Variants in ASTN2 observed in about 807,000 individuals in gnomAD.
The protein encoded by ASTN2 is astrotactin-2.
In ASTN2, 54 loss-of-function variants were observed where a neutral mutation model predicts 139.8. The observed-to-expected ratio is 0.39, with a 90% CI of 0.31 to 0.48. The LOEUF (loss-of-function observed/expected upper bound fraction) is 0.48, where lower values mean the gene tolerates loss of function less well. Ranked by LOEUF, ASTN2 falls within the 20% of genes least tolerant of loss-of-function variation. The pLI is 0.95. For synonymous variants in ASTN2, 756 were observed against 719.5 expected, an observed-to-expected ratio of 1.05 and a Z score of -0.81; for missense variants, 1,565 against 1,725.1, an observed-to-expected ratio of 0.91 and a Z score of 1.64.
At chr9:116,585,860 A>G (rs540591070) in intron 19 of ASTN2, 4 of 152,288 alleles carry the variant, frequency 2.6e-5, no homozygotes, top group Non-Finnish European at 5.9e-5. Flanking sequence ...GAAATTATCA[A>G]TAAACAGACA....
In ASTN2 at chr9:116,976,784, T is replaced by C; in HGVS notation, c.1593A>G (p.Gly531=). The C allele has an allele frequency of 6.2e-7, 1 of 1,613,760 alleles. No homozygotes were observed. The highest frequency in any genetic ancestry group is 8.5e-7 in the Non-Finnish European group (1 of 1,179,714). ...ACEQLCDPET[G]ECSCHEGYAP... The stretch of plus-strand genomic sequence containing the variant: ...CATAGCCTTCATGACAGCTGCACTC[T>C]CCTGTAAGTGAAAAGAAAAAAGATT... The change falls in exon 8 of 23, where the codon GGA becomes GGG. Residue 531 remains glycine, a splice_region_variant and synonymous_variant. Coordinates refer to ENST00000313400, the MANE Select transcript of ASTN2 (RefSeq NM_001365068.1).
rs114799138 is a variant in ASTN2, at chr9:116,565,546, T to C, written c.3355+52778A>G. On this transcript the variant is annotated intron_variant, in intron 19 of 22. Coordinates refer to ENST00000313400, the MANE Select transcript of ASTN2 (RefSeq NM_001365068.1). The stretch of plus-strand genomic sequence containing the variant: ...CCCTTCCCTCCACCTGCCCACCCAT[T>C]CCCACCCCGGACCCCAAGCTCAAGT... Among the ~76,000 whole-genome samples, 430 of 146,578 alleles carry C rather than the reference T, an allele frequency of 2.9e-3. 1 individual carries two copies. Among genetic ancestry groups the C allele is most frequent in the African/African-American group, 0.01 (420 of 40,022 alleles).
chr9:116,607,880 G>A (rs1288715618), intron 19 of ASTN2, among the ~76,000 whole-genome samples: 1 of 152,176 alleles, frequency 6.6e-6, no homozygotes, highest in Non-Finnish European at 1.5e-5. Context: ...AGAATCGCTT[G>A]AATCTGGGAG....
intron 20 of ASTN2, among the ~76,000 whole-genome samples, chr9:116,449,647 G>C (rs1848116296): frequency 6.6e-6 from 1 of 152,108 alleles, no homozygotes; most frequent in South Asian, 2.1e-4. Flanking sequence ...TGAGTGCTTT[G>C]ACCAGTAGAG....
chr9:116,674,708 A>G (rs1405224028), intron 16 of ASTN2, among the ~76,000 whole-genome samples: 3 of 152,090 alleles, frequency 2.0e-5, no homozygotes, highest in African/African-American at 7.2e-5. Flanking sequence ...ATTTTCTCCA[A>G]CCACCCTGAC....
intron 1 of ASTN2, among the ~76,000 whole-genome samples, chr9:117,315,989 C>G (rs926531101): frequency 6.6e-6 from 1 of 152,188 alleles, no homozygotes; most frequent in Non-Finnish European, 1.5e-5. Context: ...TCTAAGTTAT[C>G]TGAATGAGCT....
intron 10 of ASTN2, among the ~76,000 whole-genome samples, chr9:116,904,891 C>T (rs1409031604): frequency 6.6e-6 from 1 of 152,128 alleles, no homozygotes; most frequent in Non-Finnish European, 1.5e-5. Flanking sequence ...AACGTTACAG[C>T]TCTATGTTTG....
chr9:116,522,970 G>A (rs1850941661), intron 19 of ASTN2, among the ~76,000 whole-genome samples: 1 of 152,058 alleles, frequency 6.6e-6, no homozygotes, highest in Admixed American at 6.6e-5. Context: ...AAATAAGGCT[G>A]GCATCTTGCT....
intron 16 of ASTN2, among the ~76,000 whole-genome samples, chr9:116,660,337 G>A (rs899971601): frequency 6.6e-6 from 1 of 152,174 alleles, no homozygotes; most frequent in African/African-American, 2.4e-5. Context: ...AAATGTATAA[G>A]TAATAAGCAC....
At chr9:116,846,888 G>C (rs1832445813) in intron 11 of ASTN2, among the ~76,000 whole-genome samples, 1 of 151,780 alleles carries the variant, frequency 6.6e-6, no homozygotes, top group African/African-American at 2.4e-5. Flanking sequence ...TCTTAAAATG[G>C]CTGGTCAACC....
At chr9:117,124,640 T>A (rs1195735661) in intron 4 of ASTN2, among the ~76,000 whole-genome samples, 1 of 152,134 alleles carries the variant, frequency 6.6e-6, no homozygotes, top group African/African-American at 2.4e-5. Flanking sequence ...CTCACTTAAA[T>A]CTTCCTTACA....
chr9:117,232,763 GTC>G (rs1193171257), intron 2 of ASTN2, among the ~76,000 whole-genome samples: 3 of 151,982 alleles, frequency 2.0e-5, no homozygotes, highest in African/African-American at 7.2e-5. Context: ...AAACTCTATT[GTC>G]TCTTCTCCCT....
chr9:117,296,306 A>T (rs930649740), intron 1 of ASTN2, among the ~76,000 whole-genome samples: 1 of 150,134 alleles, frequency 6.7e-6, no homozygotes, highest in Admixed American at 6.6e-5. Flanking sequence ...AAAAAAAAGA[A>T]AGAAAGAAAG....
At chr9:117,135,391 G>A (rs1829927116) in intron 4 of ASTN2, among the ~76,000 whole-genome samples, 1 of 152,200 alleles carries the variant, frequency 6.6e-6, no homozygotes, top group Non-Finnish European at 1.5e-5. Context: ...CATACCAAAT[G>A]CTCAGTAGAT....
rs570894513 is a variant in ASTN2 at position 116,534,697 on chromosome 9, C to T, written c.3356-47197G>A. On this transcript the variant is annotated intron_variant, in intron 19 of 22. Coordinates refer to ENST00000313400, the MANE Select transcript of ASTN2 (RefSeq NM_001365068.1). ...TGAGTGAGTTTCTTAATCCTGAGGTCTAGTTTGATTGCACTGTGTTCTGAG... is the reference window on the plus strand; with the variant it reads ...TGAGTGAGTTTCTTAATCCTGAGGTTTAGTTTGATTGCACTGTGTTCTGAG... 1.3e-3 allele frequency among the ~76,000 whole-genome samples: 196 copies of T among 152,276 alleles called. 1 individual carries two copies. The highest frequency in any genetic ancestry group is 2.5e-3 in the Non-Finnish European group (170 of 68,020).
chr9:117,285,912 CA>C (rs1462501650), intron 2 of ASTN2, among the ~76,000 whole-genome samples: 1 of 152,028 alleles, frequency 6.6e-6, no homozygotes, highest in African/African-American at 2.4e-5. Flanking sequence ...TACATCAAAC[CA>C]AACATTTCTT....
At chr9:117,265,487 C>T (rs1833920651) in intron 2 of ASTN2, among the ~76,000 whole-genome samples, 1 of 152,174 alleles carries the variant, frequency 6.6e-6, no homozygotes, top group Non-Finnish European at 1.5e-5. Context: ...GCCAAAGAGT[C>T]ACATGTGCTG....
chr9:117,394,956 G>C (rs1830638471), intron 1 of ASTN2, among the ~76,000 whole-genome samples: 1 of 152,152 alleles, frequency 6.6e-6, no homozygotes. Flanking sequence ...ACTGCCAAGA[G>C]ACTGGGAGAG....
chr9:116,853,582 C>G (rs994327035), intron 11 of ASTN2, among the ~76,000 whole-genome samples: 5 of 152,154 alleles, frequency 3.3e-5, no homozygotes, highest in African/African-American at 1.2e-4. Context: ...CTCTCACAGA[C>G]ACAGTGCACA....
Sources: allele counts gnomAD v4.1 joint callset (sites outside exome capture counted in the v4.1 genomes callset), GRCh38; gene constraint gnomAD v4.1.1; transcripts MANE v1.5; gene names NCBI Gene and HGNC (gene_info 2026-07-23, HGNC 2026-07-21).